GOLGB1: variants seen among roughly 807,000 people sequenced by gnomAD.
The protein encoded by GOLGB1 is golgin subfamily B member 1.
In GOLGB1, 174 loss-of-function variants were observed where a neutral mutation model predicts 336.9. The observed-to-expected ratio is 0.52, with a 90% CI of 0.46 to 0.59. The LOEUF is 0.59. Among genes scored for constraint, GOLGB1 ranks in the 20% least tolerant of loss-of-function variants. GOLGB1 has a pLI of 0.00. For missense variants in GOLGB1, 3,331 were observed against 3,645.3 expected, an observed-to-expected ratio of 0.91 and a Z score of 2.22; for synonymous variants, 1,208 against 1,289.2, an observed-to-expected ratio of 0.94 and a Z score of 1.35.
intron 9 of GOLGB1, among the ~76,000 whole-genome samples, chr3:121,715,701 A>G (rs1011536235): frequency 6.6e-6 from 1 of 152,064 alleles, no homozygotes; most frequent in Non-Finnish European, 1.5e-5. Context: ...ATGCCCTTCA[A>G]AACTGTCTGG....
chr3:121,690,058 A>T (rs1233119867), intron 14 of GOLGB1, among the ~76,000 whole-genome samples: 1 of 152,236 alleles, frequency 6.6e-6, no homozygotes, highest in East Asian at 1.9e-4. Context: ...TTTTTCTCCC[A>T]TTGGAAATGT....
chr3:121,701,238 A>G (rs1461086653), intron 11 of GOLGB1, among the ~76,000 whole-genome samples: 3 of 152,212 alleles, frequency 2.0e-5, no homozygotes, highest in Non-Finnish European at 4.4e-5. Context: ...TGGAACCCAT[A>G]TAATACCTCC....
intron 10 of GOLGB1, among the ~76,000 whole-genome samples, chr3:121,708,734 C>T (rs1287925057): frequency 6.6e-6 from 1 of 152,066 alleles, no homozygotes; most frequent in African/African-American, 2.4e-5. Flanking sequence ...CTTAATAGAG[C>T]TGTTTAAAAG....
intron 1 of GOLGB1, chr3:121,749,219 G>C (rs1947585889): frequency 6.6e-6 from 1 of 152,402 alleles, no homozygotes; most frequent in Admixed American, 6.5e-5. Context: ...TTTAGGGCCT[G>C]AGCACAGGGG....
intron 11 of GOLGB1, among the ~76,000 whole-genome samples, chr3:121,701,495 T>C (rs554228283): frequency 6.6e-6 from 1 of 152,276 alleles, no homozygotes; most frequent in Admixed American, 6.5e-5. Flanking sequence ...ATAAAAGTTT[T>C]ACAACCTTTA....
intron 13 of GOLGB1, 103 bp downstream of exon 13, chr3:121,693,638 A>T: frequency 1.2e-6 from 1 of 845,682 alleles, no homozygotes; most frequent in Non-Finnish European, 1.9e-6. Context: ...ATGGACATTT[A>T]TGCCAAAATT....
chr3:121,730,121 T>G (rs1304514884), intron 2 of GOLGB1, 104 bp from the exon 3 acceptor site: 1 of 687,320 alleles, frequency 1.5e-6, no homozygotes, highest in African/African-American at 1.8e-5. Context: ...ATTCATATTC[T>G]TGTTAACTTA....
Position 121,716,983 on chromosome 3 carries a change from G to A in GOLGB1, c.1042C>T (p.His348Tyr), listed in dbSNP as rs1468119476. 2 of 1,613,930 alleles carry A rather than the reference G, an allele frequency of 1.2e-6. No homozygotes were observed. The highest frequency in any genetic ancestry group is 2.7e-5 in the African/African-American group (2 of 75,008). The change falls in exon 9 of 22, where the codon CAT becomes TAT. Residue 348 changes from histidine to tyrosine, a missense_variant. Physicochemically the swap from His to Tyr is moderately conservative, Grantham distance 83. Transcript: ENST00000614479. ...LSFHNLQEEM[H>Y]HLLEQFEQAG... ...TGCTCAAACTGTTCTAAAAGATGATGCATTTCTTCCTGCAGATTATGGAAG... is the reference window on the plus strand; with the variant it reads ...TGCTCAAACTGTTCTAAAAGATGATACATTTCTTCCTGCAGATTATGGAAG...
chr3:121,684,598 C>A (rs1002109681), intron 14 of GOLGB1, among the ~76,000 whole-genome samples: 1 of 152,094 alleles, frequency 6.6e-6, no homozygotes, highest in South Asian at 2.1e-4. Context: ...ATCAGAATAG[C>A]TTTAGACTTG....
chr3:121,706,603 G>A (rs964108510), intron 10 of GOLGB1, among the ~76,000 whole-genome samples: 1 of 151,326 alleles, frequency 6.6e-6, no homozygotes, highest in African/African-American at 2.4e-5. Flanking sequence ...GCGTGGTGGC[G>A]GTTGCCTGTA....
chr3:121,692,861 A>C (rs1465914804), intron 13 of GOLGB1, among the ~76,000 whole-genome samples: 1 of 152,234 alleles, frequency 6.6e-6, no homozygotes, highest in East Asian at 1.9e-4. Context: ...AACACTGAAA[A>C]GTAACATTTT....
At chr3:121,681,184 C>A (rs919947374) in intron 15 of GOLGB1, among the ~76,000 whole-genome samples, 11 of 152,120 alleles carry the variant, frequency 7.2e-5, no homozygotes, top group South Asian at 2.1e-4. Flanking sequence ...ACTGATGGAT[C>A]TCAAGGGCAT....
rs1220193527 is a variant in GOLGB1, at chr3:121,698,094, G to C, written c.2429C>G (p.Ala810Gly). 1 of 1,613,808 alleles carries C rather than the reference G, an allele frequency of 6.2e-7. No individual in the cohort carries two copies. The highest frequency in any genetic ancestry group is 8.5e-7 in the Non-Finnish European group (1 of 1,179,938). Residue 810 changes from alanine (A) to glycine (G), a missense_variant, in exon 13 of 22, where the codon GCC becomes GGC. Physicochemically the swap from Ala to Gly is moderately conservative, Grantham distance 60. Coordinates refer to ENST00000614479, the MANE Select transcript of GOLGB1 (RefSeq NM_001366282.2). ...TEQIHSLSIE[A>G]KSKDVKIEVL... The stretch of plus-strand genomic sequence containing the variant: ...TTCAATTTTCACATCTTTAGATTTG[G>C]CTTCTATGCTGAGACTATGGATCTG...
At chr3:121,726,791 A>T in intron 5 of GOLGB1, 122 bp downstream of exon 5, 3 of 558,834 alleles carry the variant, frequency 5.4e-6, no homozygotes, top group Non-Finnish European at 8.9e-6. Context: ...GAAAAGAAGG[A>T]GACTGATATA....
At position 121,664,365 on chromosome 3, in the gene GOLGB1, G is replaced by T; in HGVS notation, c.*115C>A. The T allele has an allele frequency of 4.2e-6, 4 of 951,048 alleles. No individual in the cohort carries two copies. Among genetic ancestry groups the T allele is most frequent in the Non-Finnish European group, 5.0e-6 (3 of 597,718 alleles). The allele number at this position is 951,048 out of a possible 1,614,324, so 58.9% of individuals were successfully genotyped here. On this transcript the variant is annotated 3_prime_UTR_variant, in exon 22 of 22. Transcript: ENST00000614479. ...TTTTTGCAGGCACTTTCCGTGAAGAGTTGGAGAGAAGACCTGTAAATGGGA... is the reference window on the plus strand; with the variant it reads ...TTTTTGCAGGCACTTTCCGTGAAGATTTGGAGAGAAGACCTGTAAATGGGA...
In GOLGB1 at chr3:121,666,126, G is replaced by T. The variant is rs77487153; in HGVS notation, c.9555-1095C>A. ...TGAGAAGTCTGTAGGTATTGATGAG[G>T]AAGATGGTACTGGCTGCCTTTAAAC... On this transcript the variant is annotated intron_variant, in intron 20 of 21. Transcript: ENST00000614479. 4.8e-3 allele frequency among the ~76,000 whole-genome samples: 728 copies of T among 152,324 alleles called. 4 individuals are homozygous for T. The highest frequency in any genetic ancestry group is 0.017 in the Middle Eastern group (5 of 294).
rs545775044 is a variant in GOLGB1, at chr3:121,735,517, T to C, written c.-2-4544A>G. On this transcript the variant is annotated intron_variant, in intron 1 of 21. Coordinates refer to ENST00000614479, the MANE Select transcript of GOLGB1 (RefSeq NM_001366282.2). ...ATTTCTTTCTCACAGTGGTATGGGT[T>C]AGCAATTCTGAAACTACTTCATTGT... is the stretch of plus-strand genomic sequence containing the variant. Among the ~76,000 whole-genome samples, 18 of 152,314 alleles carry C rather than the reference T, an allele frequency of 1.2e-4. No individual in the cohort carries two copies. In the South Asian group the frequency reaches 3.7e-3, roughly 32 times the overall value.
rs139019364 is a variant in GOLGB1, at chr3:121,696,124, A to G, written c.4399T>C (p.Cys1467Arg). The G allele has an allele frequency of 5.0e-5, 80 of 1,614,036 alleles. No homozygotes were observed. In the African/African-American group the frequency reaches 9.7e-4, roughly 20 times the overall value. The change falls in exon 13 of 22, where the codon TGT becomes CGT. Residue 1467 changes from cysteine to arginine, a missense_variant. Transcript: ENST00000614479. ...TCTTCTGGTTTTTGCTTCATTTCAC[A>G]AAGTTCCACCTGTAGCTGCTTTATC... ...ERIKQLQVEL[C>R]EMKQKPEEIG...
At position 121,698,481 on chromosome 3, in the gene GOLGB1, G is replaced by C. The variant is rs1943136919; in HGVS notation, c.2042C>G (p.Pro681Arg). Residue 681 changes from proline to arginine, a missense_variant, in exon 13 of 22, where the codon CCA (proline) becomes CGA (arginine). Coordinates refer to ENST00000614479, the MANE Select transcript of GOLGB1 (RefSeq NM_001366282.2). The stretch of plus-strand genomic sequence containing the variant: ...ATCCTGATGACACTGACCAATATCT[G>C]GTACAGCAGAAAGGGATTTATCACC... ...QDGDKSLSAV[P>R]DIGQCHQDEL... 1 of 1,613,218 alleles carries C rather than the reference G, an allele frequency of 6.2e-7. No homozygotes were observed. The highest frequency in any genetic ancestry group is 1.3e-5 in the African/African-American group (1 of 74,850).
Sources: allele counts gnomAD v4.1 joint callset (sites outside exome capture counted in the v4.1 genomes callset), GRCh38; gene constraint gnomAD v4.1.1; transcripts MANE v1.5; gene names NCBI Gene and HGNC (gene_info 2026-07-23, HGNC 2026-07-21).